Variants in MCC observed in about 807,000 individuals in gnomAD.
MCC encodes the protein colorectal mutant cancer protein.
Under a neutral mutation model 116.2 loss-of-function variants are expected in MCC, and 90 were observed. That is an observed-to-expected ratio of 0.77 (90% confidence interval 0.65 to 0.92). MCC has a LOEUF of 0.92. Ranked by LOEUF, MCC falls within the 40% of genes least tolerant of loss-of-function variation. MCC has a pLI of 0.00. For missense variants in MCC, 1,516 were observed against 1,312.2 expected (o/e 1.16, Z -2.40); for synonymous variants, 578 against 510.5 (o/e 1.13, Z -1.78).
At chr5:113,294,270 G>C (rs1479358624) in intron 3 of MCC, 2 of 1,611,280 alleles carry the variant, frequency 1.2e-6, no homozygotes, top group East Asian at 2.2e-5. Context: ...AGGGGAGGGG[G>C]ATTTGTGGAA....
intron 14 of MCC, among the ~76,000 whole-genome samples, chr5:113,063,021 A>G (rs1296707552): frequency 6.6e-6 from 1 of 152,238 alleles, no homozygotes; most frequent in African/African-American, 2.4e-5. Context: ...GGGAAGAACA[A>G]TATGCTCGAT....
intron 12 of MCC, among the ~76,000 whole-genome samples, chr5:113,069,534 G>C (rs941230428): frequency 1.3e-5 from 2 of 152,244 alleles, no homozygotes; most frequent in African/African-American, 4.8e-5. Flanking sequence ...GGGATATGTT[G>C]CTTCATTTAG....
At chr5:113,465,101 T>G (rs1267713979) in intron 1 of MCC, among the ~76,000 whole-genome samples, 1 of 152,000 alleles carries the variant, frequency 6.6e-6, no homozygotes, top group Non-Finnish European at 1.5e-5. Context: ...CAAGATTTTT[T>G]TTTTTGTGGG....
chr5:113,119,421 G>A (rs1757603557), intron 6 of MCC, among the ~76,000 whole-genome samples: 1 of 152,212 alleles, frequency 6.6e-6, no homozygotes, highest in Admixed American at 6.5e-5. Context: ...AGGGCTCCAG[G>A]CGGAAGGAAC....
At position 113,027,205 on chromosome 5, in the gene MCC, T is replaced by C; in HGVS notation, c.*97A>G. The C allele has an allele frequency of 7.4e-7, 1 of 1,356,126 alleles. No homozygotes were observed. Among genetic ancestry groups the C allele is most frequent in the Non-Finnish European group, 1.0e-6 (1 of 994,422 alleles). The allele number at this position is 1,356,126 out of a possible 1,614,324, so 84.0% of individuals were successfully genotyped here. A position where few individuals can be genotyped will look rare whatever the true frequency, so the allele number is the denominator to read the frequency against. ...TGCCGACCTACCTGCCAGCCTTCCCTTTCCTCCTCCTCCCAACAAGTACAT... is the reference window on the plus strand; with the variant it reads ...TGCCGACCTACCTGCCAGCCTTCCCCTTCCTCCTCCTCCCAACAAGTACAT... On this transcript the variant is annotated 3_prime_UTR_variant, in exon 19 of 19. Coordinates refer to ENST00000408903, the MANE Select transcript of MCC (RefSeq NM_001085377.2).
At chr5:113,345,469 G>T (rs1415041954) in intron 2 of MCC, among the ~76,000 whole-genome samples, 1 of 152,218 alleles carries the variant, frequency 6.6e-6, no homozygotes, top group African/African-American at 2.4e-5. Context: ...ATCCAGTGCT[G>T]TGCAGACTTC....
intron 6 of MCC, among the ~76,000 whole-genome samples, chr5:113,121,535 G>A (rs1757735695): frequency 6.6e-6 from 1 of 152,150 alleles, no homozygotes; most frequent in South Asian, 2.1e-4. Context: ...TGATCCTCCA[G>A]CTCTGAGGTC....
chr5:113,120,105 G>C (rs1323348875), intron 6 of MCC, among the ~76,000 whole-genome samples: 4 of 152,166 alleles, frequency 2.6e-5, no homozygotes, highest in African/African-American at 9.7e-5. Context: ...GATCAGTATA[G>C]GGCTCACATT....
At chr5:113,309,759 G>A (rs530732822) in intron 3 of MCC, among the ~76,000 whole-genome samples, 2 of 152,126 alleles carry the variant, frequency 1.3e-5, no homozygotes, top group Non-Finnish European at 2.9e-5. Flanking sequence ...TCTGGGTATT[G>A]CTGTATCAAA....
intron 3 of MCC, among the ~76,000 whole-genome samples, chr5:113,278,919 A>T (rs1765930913): frequency 6.6e-6 from 1 of 152,192 alleles, no homozygotes; most frequent in Non-Finnish European, 1.5e-5. Flanking sequence ...TTTACAAATC[A>T]AGTGTCTCTT....
intron 14 of MCC, among the ~76,000 whole-genome samples, chr5:113,059,766 C>A (rs951143018): frequency 6.6e-6 from 1 of 152,216 alleles, no homozygotes; most frequent in South Asian, 2.1e-4. Context: ...GCCAGCAGCT[C>A]TTCCAGCACA....
intron 5 of MCC, among the ~76,000 whole-genome samples, chr5:113,126,058 C>T (rs1758032118): frequency 2.6e-5 from 4 of 152,192 alleles, no homozygotes. Context: ...ACAAAGTTCT[C>T]AGGTGTTTCT....
chr5:113,084,322 G>A (rs1755055326), intron 9 of MCC, 132 bp from the exon 10 acceptor site: 9 of 686,904 alleles, frequency 1.3e-5, no homozygotes, highest in South Asian at 3.6e-5. Flanking sequence ...AACAGCTCAC[G>A]TCCAATTTTT....
intron 3 of MCC, among the ~76,000 whole-genome samples, chr5:113,171,701 C>A (rs1049281722): frequency 6.6e-6 from 1 of 152,112 alleles, no homozygotes; most frequent in African/African-American, 2.4e-5. Context: ...ATTGGTGGCT[C>A]TGTGGCCTGT....
chr5:113,419,864 A>C (rs1770274046), intron 1 of MCC, among the ~76,000 whole-genome samples: 2 of 107,726 alleles, frequency 1.9e-5, no homozygotes, highest in Non-Finnish European at 1.8e-5. Flanking sequence ...CACACCGGGG[A>C]CTGTTGTGGG....
At chr5:113,101,585 T>C (rs1213863517) in intron 8 of MCC, 154 bp downstream of exon 8, 8 of 701,556 alleles carry the variant, frequency 1.1e-5, no homozygotes, top group Non-Finnish European at 1.4e-5. Context: ...AATTTCGAAC[T>C]ACTTTCAAGA....
intron 11 of MCC, 141 bp downstream of exon 11, chr5:113,082,719 A>G: frequency 1.0e-6 from 1 of 967,942 alleles, no homozygotes; most frequent in Non-Finnish European, 1.5e-6. Flanking sequence ...CCAAGGTGGT[A>G]GGAACTTCCA....
intron 1 of MCC, among the ~76,000 whole-genome samples, chr5:113,470,893 T>G (rs952363826): frequency 1.3e-5 from 2 of 152,194 alleles, no homozygotes; most frequent in African/African-American, 2.4e-5. Flanking sequence ...TTATTCTTTT[T>G]TCTCTAAACT....
intron 13 of MCC, among the ~76,000 whole-genome samples, chr5:113,066,384 G>A (rs1753605899): frequency 6.6e-6 from 1 of 152,130 alleles, no homozygotes; most frequent in South Asian, 2.1e-4. Flanking sequence ...TGTTTCATAT[G>A]AGAAATAAAG....
Sources: gnomAD v4.1 joint callset for allele counts (sites outside exome capture counted in the v4.1 genomes callset) on GRCh38, gnomAD v4.1.1 for gene constraint, MANE v1.5 for transcripts, NCBI Gene and HGNC (gene_info 2026-07-23, HGNC 2026-07-21) for gene names.